Variants in OSGEPL1 observed in about 807,000 individuals in gnomAD.
OSGEPL1 encodes the protein tRNA N6-adenosine threonylcarbamoyltransferase, mitochondrial.
A neutral mutation model predicts 37.2 loss-of-function variants in OSGEPL1; 26 were observed. The ratio of observed to expected loss-of-function variants is 0.70; its 90% CI spans 0.51 to 0.97. The LOEUF (loss-of-function observed/expected upper bound fraction) is 0.97. Ranked by LOEUF, OSGEPL1 falls within the 50% of genes least tolerant of loss-of-function variation. The pLI, the probability that OSGEPL1 is intolerant of heterozygous loss-of-function variation, is 0.00. For synonymous variants in OSGEPL1, 140 were observed against 159.9 expected (o/e 0.88, Z 0.94); for missense variants, 404 against 487.0 (o/e 0.83, Z 1.60).
chr2:189,750,510 A>G (rs1301614734), intron 8 of OSGEPL1, 40 bp downstream of exon 8: 1 of 783,250 alleles, frequency 1.3e-6, no homozygotes. Context: ...ACAATTTGAT[A>G]CACAAAACAA....
chr2:189,762,761 G>T lies in OSGEPL1; in HGVS notation c.-97C>A, dbSNP rs369316131. The T allele has an allele frequency of 1.0e-6, 1 of 985,400 alleles. No individual in the cohort carries two copies. The allele number at this position is 985,400 out of a possible 1,614,324, so 61.0% of individuals were successfully genotyped here. ...CTGTCGACTGCCCTTATCGCTGCAG[G>T]AGAAAGCCCGAACCTGGCGCCCGGA... On this transcript the variant is annotated 5_prime_UTR_variant, in exon 1 of 9. Coordinates refer to ENST00000264151, the MANE Select transcript of OSGEPL1 (RefSeq NM_022353.3).
chr2:189,762,660 G>T (rs917492833), intron 1 of OSGEPL1, 25 bp downstream of exon 1: 2 of 985,346 alleles, frequency 2.0e-6, no homozygotes, highest in African/African-American at 1.7e-5. Flanking sequence ...CGTCAGTGGG[G>T]TGAAGAGTGA....
In OSGEPL1 at chr2:189,762,731, A is replaced by G. The variant is rs898860703; in HGVS notation, c.-67T>C. 21 of 985,306 alleles carry G rather than the reference A, an allele frequency of 2.1e-5. No individual in the cohort carries two copies. Among genetic ancestry groups the G allele is most frequent in the African/African-American group, 3.5e-5 (2 of 57,206 alleles). The allele number at this position is 985,306 out of a possible 1,614,324, so 61.0% of individuals were successfully genotyped here. A position where few individuals can be genotyped will look rare whatever the true frequency, so the allele number is the denominator to read the frequency against. The stretch of plus-strand genomic sequence containing the variant: ...CTAGCACTTGTCTCCTTTCCCTACT[A>G]AAGACTGTCGACTGCCCTTATCGCT... On this transcript the variant is annotated 5_prime_UTR_variant, in exon 1 of 9. Coordinates refer to ENST00000264151, the MANE Select transcript of OSGEPL1 (RefSeq NM_022353.3).
chr2:189,756,751 C>G (rs1038535503), intron 2 of OSGEPL1, among the ~76,000 whole-genome samples: 10 of 152,126 alleles, frequency 6.6e-5, no homozygotes, highest in Non-Finnish European at 1.0e-4. Context: ...CTCAAAAGCC[C>G]TCATCTCAGT....
At chr2:189,761,954 T>C (rs780248098) in intron 1 of OSGEPL1, among the ~76,000 whole-genome samples, 6 of 152,206 alleles carry the variant, frequency 3.9e-5, no homozygotes, top group Non-Finnish European at 7.3e-5. Flanking sequence ...GATAGAGTCC[T>C]CTGAAAAGTG....
rs79055433 is a variant in OSGEPL1 at position 189,757,207 on chromosome 2, C to G, written c.222-1647G>C. Reference sequence around the variant, plus strand: ...GCAAAAGACAATAAGGGATTGAACTCAGTCAGTGAGAAGGGAGAGGAAAGT... The same window carrying G: ...GCAAAAGACAATAAGGGATTGAACTGAGTCAGTGAGAAGGGAGAGGAAAGT... On this transcript the variant is annotated intron_variant, in intron 2 of 8. Transcript: ENST00000264151. Among the ~76,000 whole-genome samples the G allele has an allele frequency of 1.5e-3, 223 of 152,248 alleles. 7 individuals carry two copies. The East Asian group carries it at 0.041, about 28-fold the overall frequency.
rs1449571607 is a variant in OSGEPL1, at chr2:189,755,095, G to A, written c.609+78C>T. 4.8e-6 allele frequency: 7 copies of A among 1,468,554 alleles called. No individual in the cohort carries two copies. In the Admixed American group the frequency reaches 1.2e-4, roughly 25 times the overall value. 91.0% of individuals were successfully genotyped at this position (1,468,554 alleles called of 1,614,324 possible). A position where few individuals can be genotyped will look rare whatever the true frequency, so the allele number is the denominator to read the frequency against. On this transcript the variant is annotated intron_variant, in intron 3 of 8. Coordinates refer to ENST00000264151, the MANE Select transcript of OSGEPL1 (RefSeq NM_022353.3). The stretch of plus-strand genomic sequence containing the variant: ...AAAATTCAGAAATATTTAGGTGAAT[G>A]GTGGTAGCACATCTATTGCTACTTA...
At chr2:189,759,049 T>C (rs1308967293) in intron 2 of OSGEPL1, among the ~76,000 whole-genome samples, 1 of 152,168 alleles carries the variant, frequency 6.6e-6, no homozygotes, top group Non-Finnish European at 1.5e-5. Context: ...GCACTATTAA[T>C]TCTCCTTGTA....
At chr2:189,751,345 C>T (rs540673473) in intron 7 of OSGEPL1, among the ~76,000 whole-genome samples, 8 of 152,124 alleles carry the variant, frequency 5.3e-5, no homozygotes, top group East Asian at 1.9e-4. Flanking sequence ...GGATGCCTTC[C>T]GGTACTACTA....
chr2:189,761,707 G>A, intron 1 of OSGEPL1, 47 bp from the exon 2 acceptor site: 1 of 1,436,956 alleles, frequency 7.0e-7, no homozygotes, highest in South Asian at 1.6e-5. Context: ...ACTGACATTA[G>A]CCAGCTTATT....
intron 2 of OSGEPL1, 60 bp downstream of exon 2, chr2:189,761,360 C>A: frequency 6.5e-7 from 1 of 1,528,730 alleles, no homozygotes. Context: ...ATGACAAATA[C>A]AAAAGAATGA....
rs376427339 is a variant in OSGEPL1, at chr2:189,754,080, G to A, written c.815-16C>T. 6 of 1,611,854 alleles carry A rather than the reference G, an allele frequency of 3.7e-6. No homozygotes were observed. Reference sequence around the variant, plus strand: ...TTCTCAATACCTGCAGAAATGAGCAGCTATTTTTAGGCACAATCCAGGAAT... The same window carrying A: ...TTCTCAATACCTGCAGAAATGAGCAACTATTTTTAGGCACAATCCAGGAAT... On this transcript the variant is annotated splice_polypyrimidine_tract_variant and intron_variant, in intron 4 of 8. Transcript: ENST00000264151.
chr2:189,758,515 C>T (rs1315123514), intron 2 of OSGEPL1, among the ~76,000 whole-genome samples: 1 of 152,216 alleles, frequency 6.6e-6, no homozygotes, highest in Admixed American at 6.5e-5. Flanking sequence ...GCAGATGCTG[C>T]CACGCTTCCT....
chr2:189,761,333 C>A, intron 2 of OSGEPL1, 87 bp downstream of exon 2: 1 of 1,384,692 alleles, frequency 7.2e-7, no homozygotes, highest in South Asian at 1.5e-5. Flanking sequence ...GACAGTAGCT[C>A]CTGAAAACTT....
At chr2:189,751,446 T>G (rs899958506) in intron 7 of OSGEPL1, among the ~76,000 whole-genome samples, 8 of 121,364 alleles carry the variant, frequency 6.6e-5, no homozygotes, top group Non-Finnish European at 1.0e-4. Flanking sequence ...CAAGTTGTGT[T>G]TTTTTTTTTT....
chr2:189,755,414 C>T lies in OSGEPL1; in HGVS notation c.368G>A (p.Ser123Asn). 6.2e-7 allele frequency: 1 copy of T among 1,610,788 alleles called. No homozygotes were observed. Among genetic ancestry groups the T allele is most frequent in the Non-Finnish European group, 8.5e-7 (1 of 1,179,178 alleles). ...GCTAAATGATAAGCCCACTCCCAGG[C>T]TTAAAGCAAGTCCTGGTTTTATGGT... ...ATTIKPGLAL[S>N]LGVGLSFSLQ... Residue 123 changes from serine to asparagine, a missense_variant, in exon 3 of 9, where the codon AGC becomes AAC. Physicochemically the swap from Ser to Asn is conservative, Grantham distance 46. Transcript: ENST00000264151.
chr2:189,758,271 T>C (rs1346290685), intron 2 of OSGEPL1, among the ~76,000 whole-genome samples: 1 of 151,788 alleles, frequency 6.6e-6, no homozygotes. Context: ...ATCCCAGCTA[T>C]TCTGAAGGCT....
Position 189,750,642 on chromosome 2 carries a change from A to C in OSGEPL1, c.1181T>G (p.Val394Gly). 1 of 1,583,856 alleles carries C rather than the reference A, an allele frequency of 6.3e-7. No homozygotes were observed. The highest frequency in any genetic ancestry group is 1.3e-5 in the African/African-American group (1 of 74,472). Residue 394 changes from valine to glycine, a missense_variant, in exon 8 of 9, where the codon GTA (valine) becomes GGA (glycine). Physicochemically the swap from Val to Gly is moderately radical, Grantham distance 109. Transcript: ENST00000264151. ...TTCTCCAACTTCTTTTGATATGTCT[A>C]CTCCAAGAGGACATCTACATCATAA... The part of the protein sequence containing the change: ...IRYEPKCPLG[V>G]DISKEVGEAS...
At chr2:189,763,198 T>C (rs2047365615), upstream of OSGEPL1, 26 of 984,974 alleles carry the variant, frequency 2.6e-5, no homozygotes, top group Non-Finnish European at 3.0e-5. Context: ...GGATGGAATC[T>C]AGCGGCGCCC....
Sources: allele counts gnomAD v4.1 joint callset (sites outside exome capture counted in the v4.1 genomes callset), GRCh38; gene constraint gnomAD v4.1.1; transcripts MANE v1.5; gene names NCBI Gene and HGNC (gene_info 2026-07-23, HGNC 2026-07-21).